Variants in GSN observed in about 807,000 individuals in gnomAD.
The protein encoded by GSN is gelsolin.
A neutral mutation model predicts 85.7 loss-of-function variants in GSN; 56 were observed. The observed-to-expected ratio is 0.65, with a 90% CI of 0.53 to 0.82. The LOEUF is 0.82. Ranked by LOEUF, GSN falls within the 40% of genes least tolerant of loss-of-function variation. GSN has a pLI of 0.00. For missense variants in GSN, 857 were observed against 979.8 expected (o/e 0.87, Z 1.67); for synonymous variants, 373 against 399.1 (o/e 0.93, Z 0.78).
intron 2 of GSN, among the ~76,000 whole-genome samples, chr9:121,288,097 T>C (rs1326716633): frequency 6.6e-6 from 1 of 152,128 alleles, no homozygotes; most frequent in Admixed American, 6.5e-5. Context: ...TGGCTAATTT[T>C]TGTATTTTTT....
chr9:121,269,458 C>T lies in GSN; in HGVS notation c.-103+1239C>T, dbSNP rs534946428. Among the ~76,000 whole-genome samples, 46 of 152,248 alleles carry T rather than the reference C, an allele frequency of 3.0e-4. No individual in the cohort carries two copies. In the South Asian group the frequency reaches 9.1e-3, roughly 30 times the overall value. ...TGCGGACTCCTTGCTGGGAGGGACT[C>T]TAGCCTCCTTCTTGGGTGTTCCGTT... On this transcript the variant is annotated intron_variant, in intron 1 of 17. Transcript: ENST00000432226.
chr9:121,289,793 TG>T (rs1465101566), intron 2 of GSN, among the ~76,000 whole-genome samples: 2 of 151,854 alleles, frequency 1.3e-5, no homozygotes, highest in African/African-American at 4.8e-5. Flanking sequence ...GGGATGTTGT[TG>T]GGGGGTTAGT....
chr9:121,321,486 G>A (rs1309473416), intron 11 of GSN, 85 bp downstream of exon 11: 1 of 1,359,528 alleles, frequency 7.4e-7, no homozygotes, highest in African/African-American at 1.4e-5. Flanking sequence ...GGGTGTGAGG[G>A]CCTGAGGTGG....
At position 121,326,701 on chromosome 9, in the gene GSN, A is replaced by C; in HGVS notation, c.1587+19A>C. On this transcript the variant is annotated intron_variant, in intron 13 of 17. Transcript: ENST00000432226. ...TGTTGAGGTAATTTCCAGGTCCTGG[A>C]ACACAGAAGGGATTGGCCTCCCTGA... 1 of 1,606,468 alleles carries C rather than the reference A, an allele frequency of 6.2e-7. No homozygotes were observed. The highest frequency in any genetic ancestry group is 8.5e-7 in the Non-Finnish European group (1 of 1,174,430).
intron 4 of GSN, among the ~76,000 whole-genome samples, chr9:121,221,201 C>T (rs748720915): frequency 3.9e-5 from 6 of 152,200 alleles, no homozygotes; most frequent in Admixed American, 6.5e-5. Context: ...ACTTTATTGT[C>T]CGAAACTTCT....
At position 121,318,305 on chromosome 9, in the gene GSN, G is replaced by C. The variant is rs559513832; in HGVS notation, c.887-101G>C. On this transcript the variant is annotated intron_variant, in intron 8 of 17. Transcript: ENST00000432226. This position sits in a 1 kb window ranked among gnomAD's most constrained non-coding sequence, Gnocchi z 4.3. The stretch of plus-strand genomic sequence containing the variant: ...GCTGTCCACAGTCTAAGAAGAGTAG[G>C]GAGGGAAGTTTGGCAGCTCCTTCTC... 2.6e-3 allele frequency: 2,459 copies of C among 941,384 alleles called. 64 individuals are homozygous for C. The South Asian group carries it at 0.031, about 12-fold the overall frequency. The allele number at this position is 941,384 out of a possible 1,614,324, so 58.3% of individuals were successfully genotyped here. A position where few individuals can be genotyped will look rare whatever the true frequency, so the allele number is the denominator to read the frequency against.
At chr9:121,206,168 G>A (rs560290162), upstream of GSN, among the ~76,000 whole-genome samples, 18 of 152,066 alleles carry the variant, frequency 1.2e-4, no homozygotes, top group South Asian at 2.3e-3. Context: ...TTTAAAAAAC[G>A]AATATATTTT....
At chr9:121,245,742 A>C (rs2054686533) in intron 5 of GSN, among the ~76,000 whole-genome samples, 1 of 152,138 alleles carries the variant, frequency 6.6e-6, no homozygotes, top group Non-Finnish European at 1.5e-5. Context: ...TGTGAAAAGA[A>C]AAACACTTTT....
At chr9:121,277,075 T>A (rs1028476252) in intron 1 of GSN, among the ~76,000 whole-genome samples, 1 of 152,120 alleles carries the variant, frequency 6.6e-6, no homozygotes, top group African/African-American at 2.4e-5. Context: ...GGAATACACA[T>A]TTTCCTGTTC....
At chr9:121,273,589 CCCTT>C (rs2056284119) in intron 1 of GSN, among the ~76,000 whole-genome samples, 2 of 152,184 alleles carry the variant, frequency 1.3e-5, no homozygotes, top group East Asian at 1.9e-4. Flanking sequence ...CACCTGGGTG[CCCTT>C]CCTTCCTGAT....
At chr9:121,213,804 G>A (rs909032415) in intron 4 of GSN, among the ~76,000 whole-genome samples, 3 of 152,138 alleles carry the variant, frequency 2.0e-5, no homozygotes, top group Admixed American at 2.0e-4. Context: ...CAGCACATGG[G>A]CTGGGGTCCT....
upstream of GSN, among the ~76,000 whole-genome samples, chr9:121,206,953 C>T (rs1406762542): frequency 5.3e-5 from 8 of 152,164 alleles, no homozygotes; most frequent in South Asian, 8.3e-4. Context: ...ATGACCACAC[C>T]GTGAGATCCA....
At chr9:121,260,969 GTTTGT>G (rs2055071940) in intron 6 of GSN, among the ~76,000 whole-genome samples, 1 of 152,200 alleles carries the variant, frequency 6.6e-6, no homozygotes, top group Admixed American at 6.5e-5. Flanking sequence ...TTGTCTGTTT[GTTTGT>G]TTTAAGTTTC....
At chr9:121,300,405 C>CT (rs2059706040) in intron 2 of GSN, among the ~76,000 whole-genome samples, 1 of 152,090 alleles carries the variant, frequency 6.6e-6, no homozygotes, top group Non-Finnish European at 1.5e-5. Flanking sequence ...ATATTTCCTT[C>CT]TTTCTTGTAT....
At chr9:121,288,931 A>G (rs763871037) in intron 2 of GSN, among the ~76,000 whole-genome samples, 1 of 152,212 alleles carries the variant, frequency 6.6e-6, no homozygotes, top group Non-Finnish European at 1.5e-5. Context: ...AGCAAGAGGA[A>G]CGCAGGGCCT....
chr9:121,211,857 G>C (rs546333210), intron 4 of GSN, among the ~76,000 whole-genome samples: 1 of 152,218 alleles, frequency 6.6e-6, no homozygotes, highest in East Asian at 1.9e-4. Context: ...ATTTTTTGAA[G>C]GGCTTTATGA....
At chr9:121,205,631 A>G (rs1053287988), upstream of GSN, among the ~76,000 whole-genome samples, 59 of 152,190 alleles carry the variant, frequency 3.9e-4, no homozygotes, top group Non-Finnish European at 1.2e-4. Flanking sequence ...TCCATCAGAG[A>G]GGAGTGTGGC....
At position 121,327,363 on chromosome 9, in the gene GSN, C is replaced by A. The variant is rs1417499787; in HGVS notation, c.1643C>A (p.Pro548His). The change falls in exon 14 of 18, where the codon CCC becomes CAC. Residue 548 changes from proline (P) to histidine (H), a missense_variant. Physicochemically the swap from Pro to His is moderately conservative, Grantham distance 77. Coordinates refer to ENST00000432226, the MANE Select transcript of GSN (RefSeq NM_198252.3). ...NSNDAFVLKT[P>H]SAAYLWVGTG... The stretch of plus-strand genomic sequence containing the variant: ...AACGATGCCTTTGTTCTGAAAACCC[C>A]CTCAGCCGCCTACCTGTGGGTGGGT... 3 of 1,614,066 alleles carry A rather than the reference C, an allele frequency of 1.9e-6. No homozygotes were observed.
intron 7 of GSN, among the ~76,000 whole-genome samples, chr9:121,314,506 C>T (rs2061504767): frequency 6.6e-6 from 1 of 152,206 alleles, no homozygotes; most frequent in South Asian, 2.1e-4. Context: ...ACTCTCTTGG[C>T]TGAGCTCTGG....
Sources: allele counts gnomAD v4.1 joint callset (sites outside exome capture counted in the v4.1 genomes callset), GRCh38; gene constraint gnomAD v4.1.1; non-coding constraint Gnocchi (gnomAD v3.1); transcripts MANE v1.5; gene names NCBI Gene and HGNC (gene_info 2026-07-23, HGNC 2026-07-21).